CBFA2T2: variants seen among roughly 807,000 people sequenced by gnomAD.
The protein encoded by CBFA2T2 is protein CBFA2T2.
Under a neutral mutation model 62.2 loss-of-function variants are expected in CBFA2T2, and 11 were observed. The observed-to-expected ratio is 0.18, with a 90% CI of 0.11 to 0.29. The LOEUF (loss-of-function observed/expected upper bound fraction) is 0.29, where lower values mean the gene tolerates loss of function less well. Ranked by LOEUF, CBFA2T2 falls within the 10% of genes least tolerant of loss-of-function variation. The pLI, the probability that CBFA2T2 is intolerant of heterozygous loss-of-function variation, is 1.00. For missense variants in CBFA2T2, 592 were observed against 774.1 expected, an observed-to-expected ratio of 0.76 and a Z score of 2.79; for synonymous variants, 295 against 287.5, an observed-to-expected ratio of 1.03 and a Z score of -0.27.
At chr20:33,620,100 A>G (rs148694400) in intron 4 of CBFA2T2, among the ~76,000 whole-genome samples, 5 of 152,348 alleles carry the variant, frequency 3.3e-5, no homozygotes, top group South Asian at 2.1e-4. Context: ...GTCTTCTGCA[A>G]TAATGTTCTC....
At position 33,642,112 on chromosome 20, in the gene CBFA2T2, TTTTTTGTG is replaced by T. The variant is rs1345784210; in HGVS notation, c.1488+1583_1488+1590del. 5.1e-3 allele frequency among the ~76,000 whole-genome samples: 379 copies of T among 74,612 alleles called. 1 individual carries two copies. The highest frequency in any genetic ancestry group is 0.027 in the East Asian group (37 of 1,368). The allele number at this position is 74,612 out of a possible 152,430, so 48.9% of individuals were successfully genotyped here. A position where few individuals can be genotyped will look rare whatever the true frequency, so the allele number is the denominator to read the frequency against. ...TCTCTCCTCCTCCTTTGTCTTTTTT[TTTTTTGTG>T]TGTGTGTGTGTGTGTGTGTGTGTGT... On this transcript the variant is annotated intron_variant, in intron 10 of 10. Transcript: ENST00000342704.
chr20:33,521,888 G>A (rs1423716516), intron 1 of CBFA2T2, among the ~76,000 whole-genome samples: 1 of 151,816 alleles, frequency 6.6e-6, no homozygotes. Context: ...AGGGTTTTTT[G>A]TTTGTTTGTT....
chr20:33,613,478 G>A (rs759095598), intron 3 of CBFA2T2, among the ~76,000 whole-genome samples: 21 of 152,200 alleles, frequency 1.4e-4, no homozygotes, highest in Admixed American at 6.5e-5. Context: ...CTCCTGAATG[G>A]TAACACAGAG....
chr20:33,575,867 T>C (rs902059240), intron 1 of CBFA2T2, among the ~76,000 whole-genome samples: 3 of 151,844 alleles, frequency 2.0e-5, no homozygotes, highest in Admixed American at 1.3e-4. Context: ...AAGCTCCACC[T>C]CCCGGGTTCA....
intron 8 of CBFA2T2, among the ~76,000 whole-genome samples, chr20:33,630,580 G>A (rs966430361): frequency 6.6e-6 from 1 of 152,178 alleles, no homozygotes; most frequent in African/African-American, 2.4e-5. Flanking sequence ...GCCTTTCAGA[G>A]TCTGAAGCAG....
intron 1 of CBFA2T2, among the ~76,000 whole-genome samples, chr20:33,508,346 C>T (rs150868910): frequency 6.6e-5 from 10 of 152,246 alleles, no homozygotes; most frequent in Non-Finnish European, 7.4e-5. Context: ...CTGCCTACCC[C>T]GGCCTGCCAA....
At chr20:33,588,170 C>G (rs768733997) in intron 1 of CBFA2T2, among the ~76,000 whole-genome samples, 4 of 152,116 alleles carry the variant, frequency 2.6e-5, no homozygotes, top group Non-Finnish European at 5.9e-5. Flanking sequence ...GTGAAGCCAT[C>G]AACACAAAAG....
intron 1 of CBFA2T2, among the ~76,000 whole-genome samples, chr20:33,587,617 T>G (rs1377907909): frequency 6.6e-6 from 1 of 152,006 alleles, no homozygotes; most frequent in Non-Finnish European, 1.5e-5. Context: ...GCCAGGATGG[T>G]CTCAATCTCC....
chr20:33,595,123 AT>A (rs772139706), intron 1 of CBFA2T2, among the ~76,000 whole-genome samples: 3 of 152,270 alleles, frequency 2.0e-5, no homozygotes, highest in African/African-American at 4.8e-5. Flanking sequence ...TGTTGAAATA[AT>A]TAGCATTGGA....
intron 1 of CBFA2T2, among the ~76,000 whole-genome samples, chr20:33,494,302 G>A (rs2011177056): frequency 3.9e-4 from 3 of 7,630 alleles, no homozygotes; most frequent in Admixed American, 1.8e-3. Flanking sequence ...TTTTTTTTGA[G>A]ACAGAGTCTC....
At position 33,623,826 on chromosome 20, in the gene CBFA2T2, C is replaced by T. The variant is rs756022758; in HGVS notation, c.692+530C>T. 1.1e-4 allele frequency: 82 copies of T among 717,092 alleles called. 2 individuals are homozygous for T. Among genetic ancestry groups the T allele is most frequent in the Non-Finnish European group, 1.5e-4 (58 of 385,076 alleles). 44.4% of individuals were successfully genotyped at this position (717,092 alleles called of 1,614,324 possible). A position where few individuals can be genotyped will look rare whatever the true frequency, so the allele number is the denominator to read the frequency against. On this transcript the variant is annotated intron_variant, in intron 5 of 10. Transcript: ENST00000342704. ...GTAGCTTCCAGACATGAGTATTTTT[C>T]GGGAACTCTTCAGATGCCTGCACAC...
intron 1 of CBFA2T2, among the ~76,000 whole-genome samples, chr20:33,536,594 C>T (rs1288895386): frequency 2.0e-5 from 3 of 150,438 alleles, no homozygotes; most frequent in African/African-American, 7.4e-5. Flanking sequence ...GGCTGCCGGG[C>T]GGAGGGGCTC....
intron 3 of CBFA2T2, among the ~76,000 whole-genome samples, chr20:33,616,666 G>T (rs1404227064): frequency 1.3e-5 from 2 of 151,806 alleles, no homozygotes; most frequent in Non-Finnish European, 2.9e-5. Flanking sequence ...GGCTGAGGTT[G>T]CAGTGAGCTG....
intron 1 of CBFA2T2, among the ~76,000 whole-genome samples, chr20:33,491,412 G>A (rs1198743681): frequency 1.3e-5 from 2 of 152,046 alleles, no homozygotes; most frequent in Non-Finnish European, 2.9e-5. Flanking sequence ...GACATCCTAA[G>A]TAAGACATTA....
chr20:33,501,238 A>G (rs1404838286), intron 1 of CBFA2T2, among the ~76,000 whole-genome samples: 1 of 152,204 alleles, frequency 6.6e-6, no homozygotes, highest in African/African-American at 2.4e-5. Flanking sequence ...GTGAAATGTT[A>G]ATATCAGGCA....
chr20:33,570,057 T>C (rs1013545179), intron 1 of CBFA2T2, among the ~76,000 whole-genome samples: 2 of 152,234 alleles, frequency 1.3e-5, no homozygotes, highest in South Asian at 4.1e-4. Flanking sequence ...AGGCGGGCGA[T>C]CACCTGAAGT....
chr20:33,504,680 G>A (rs1365625424), intron 1 of CBFA2T2, among the ~76,000 whole-genome samples: 1 of 152,026 alleles, frequency 6.6e-6, no homozygotes, highest in East Asian at 1.9e-4. Context: ...TGGGATTAAA[G>A]GTGTGAGCCA....
chr20:33,631,627 C>G (rs999525083), intron 8 of CBFA2T2, among the ~76,000 whole-genome samples: 2 of 152,218 alleles, frequency 1.3e-5, no homozygotes, highest in Non-Finnish European at 2.9e-5. Flanking sequence ...ACTCACCTTT[C>G]TCACCTTTTG....
rs1394134734 is a variant in CBFA2T2 at position 33,647,865 on chromosome 20, G to A, written c.*3219G>A. 2 of 152,258 alleles carry A rather than the reference G, an allele frequency of 1.3e-5. No homozygotes were observed. The highest frequency in any genetic ancestry group is 2.9e-5 in the Non-Finnish European group (2 of 68,060). The allele number at this position is 152,258 out of a possible 1,614,324, so 9.4% of individuals were successfully genotyped here. A position where few individuals can be genotyped will look rare whatever the true frequency, so the allele number is the denominator to read the frequency against. The stretch of plus-strand genomic sequence containing the variant: ...AACCTGGGCAGTATTCCACACTGAA[G>A]CTCAGTTTGCAAACCTTCTGCTGTG... On this transcript the variant is annotated 3_prime_UTR_variant, in exon 11 of 11. Coordinates refer to ENST00000342704, the MANE Select transcript of CBFA2T2 (RefSeq NM_001032999.3).
Sources: allele counts gnomAD v4.1 joint callset (sites outside exome capture counted in the v4.1 genomes callset), GRCh38; gene constraint gnomAD v4.1.1; transcripts MANE v1.5; gene names NCBI Gene and HGNC (gene_info 2026-07-23, HGNC 2026-07-21).